The following TBC1D5 variants were observed in gnomAD, a reference collection of about 807,000 sequenced individuals.
TBC1D5 encodes TBC1 domain family member 5.
In TBC1D5, 75 loss-of-function variants were observed where a neutral mutation model predicts 100.3. The observed-to-expected ratio is 0.75, with a 90% CI of 0.62 to 0.91. TBC1D5 has a LOEUF of 0.91. Ranked by LOEUF, TBC1D5 falls within the 40% of genes least tolerant of loss-of-function variation. The probability of loss-of-function intolerance (pLI) is 0.00; values close to 1 mark genes in which losing one functional copy is unlikely to be tolerated. For missense variants in TBC1D5, 910 were observed against 942.4 expected, an observed-to-expected ratio of 0.97 and a Z score of 0.45; for synonymous variants, 323 against 325.6, an observed-to-expected ratio of 0.99 and a Z score of 0.09.
rs550814313 is a variant in TBC1D5, at chr3:17,451,934, A to G, written c.98-23415T>C. Among the ~76,000 whole-genome samples, 5 of 152,272 alleles carry G rather than the reference A, an allele frequency of 3.3e-5. No individual in the cohort carries two copies. The South Asian group carries it at 1.0e-3, about 32-fold the overall frequency. On this transcript the variant is annotated intron_variant, in intron 3 of 21. Transcript: ENST00000253692. ...CGAGACTCCGTCAAAAAAGAAAAAA[A>G]ATTACAAGAAGGTTATAGAACACCA...
chr3:17,177,284 T>G (rs2067877092), intron 19 of TBC1D5, among the ~76,000 whole-genome samples: 1 of 152,192 alleles, frequency 6.6e-6, no homozygotes. Flanking sequence ...TAAGCTAGTG[T>G]GTAGTTTGCT....
intron 2 of TBC1D5, among the ~76,000 whole-genome samples, chr3:17,578,622 A>G (rs2096672416): frequency 1.3e-5 from 2 of 152,166 alleles, no homozygotes; most frequent in African/African-American, 4.8e-5. Context: ...GTCAAACATC[A>G]TACTCTTGAA....
intron 1 of TBC1D5, among the ~76,000 whole-genome samples, chr3:17,705,892 C>T (rs1399825119): frequency 2.6e-5 from 4 of 152,044 alleles, no homozygotes; most frequent in Non-Finnish European, 4.4e-5. Context: ...GAGGCCAAGG[C>T]AGGCGTCTGC....
chr3:17,421,856 T>C (rs910222446), intron 4 of TBC1D5, among the ~76,000 whole-genome samples: 2 of 152,206 alleles, frequency 1.3e-5, no homozygotes, highest in Non-Finnish European at 1.5e-5. Context: ...AAATCATGTA[T>C]TTATTCTTAA....
At chr3:17,210,126 C>T (rs1202867201) in intron 18 of TBC1D5, among the ~76,000 whole-genome samples, 1 of 151,948 alleles carries the variant, frequency 6.6e-6, no homozygotes, top group Non-Finnish European at 1.5e-5. Context: ...TTATTTTATG[C>T]TCAAAATTAA....
At chr3:17,610,283 C>A (rs886825097) in intron 2 of TBC1D5, among the ~76,000 whole-genome samples, 1 of 152,094 alleles carries the variant, frequency 6.6e-6, no homozygotes, top group African/African-American at 2.4e-5. Context: ...CTCCCAGACT[C>A]AAGTGATCCT....
intron 4 of TBC1D5, among the ~76,000 whole-genome samples, chr3:17,409,287 G>A (rs1180165366): frequency 6.6e-6 from 1 of 152,046 alleles, no homozygotes; most frequent in Non-Finnish European, 1.5e-5. Flanking sequence ...TGTTACTATT[G>A]TAACTGTTAT....
intron 1 of TBC1D5, among the ~76,000 whole-genome samples, chr3:17,678,666 TAAAAA>T (rs150614567): frequency 0.57 from 61,861 of 109,338 alleles, 15,826 homozygotes; most frequent in East Asian, 0.89. Flanking sequence ...AAAAGAGGGA[TAAAAA>T]AAAAAAAAAA....
rs189219765 is a variant in TBC1D5, at chr3:17,496,838, C to A, written c.97+11636G>T. On this transcript the variant is annotated intron_variant, in intron 3 of 21. Coordinates refer to ENST00000253692, the Ensembl canonical transcript of TBC1D5. ...AAACTTGGGAGTTCAACAGAGATAACAACACAGGCTATTACATAATTCTGA... is the reference window on the plus strand; with the variant it reads ...AAACTTGGGAGTTCAACAGAGATAAAAACACAGGCTATTACATAATTCTGA... 1.3e-3 allele frequency among the ~76,000 whole-genome samples: 191 copies of A among 152,212 alleles called. No homozygotes were observed. In the Middle Eastern group the frequency reaches 0.014, roughly 11 times the overall value.
intron 16 of TBC1D5, among the ~76,000 whole-genome samples, chr3:17,254,227 A>C (rs2077427255): frequency 6.6e-6 from 1 of 152,220 alleles, no homozygotes; most frequent in Admixed American, 6.5e-5. Flanking sequence ...CCCTCGGATA[A>C]ACACTTAGAA....
intron 18 of TBC1D5, among the ~76,000 whole-genome samples, chr3:17,185,469 A>G (rs2068926079): frequency 6.6e-6 from 1 of 152,240 alleles, no homozygotes; most frequent in Non-Finnish European, 1.5e-5. Context: ...GTTAGATTGC[A>G]TATACAATCT....
chr3:17,186,230 A>C (rs1216048256), intron 18 of TBC1D5, among the ~76,000 whole-genome samples: 1 of 152,154 alleles, frequency 6.6e-6, no homozygotes, highest in African/African-American at 2.4e-5. Context: ...AAAACCTACT[A>C]AGGTATCCTT....
chr3:17,162,663 G>A (rs138569535), intron 21 of TBC1D5, among the ~76,000 whole-genome samples: 10 of 151,710 alleles, frequency 6.6e-5, no homozygotes, highest in Non-Finnish European at 1.3e-4. Context: ...TGATAGCAGG[G>A]GATGTGATCA....
intron 1 of TBC1D5, among the ~76,000 whole-genome samples, chr3:17,627,181 A>C (rs1355667910): frequency 2.6e-5 from 4 of 152,198 alleles, no homozygotes; most frequent in Admixed American, 2.6e-4. Flanking sequence ...AGAGAGAACA[A>C]GACTAGGAAT....
intron 8 of TBC1D5, among the ~76,000 whole-genome samples, chr3:17,394,106 A>G (rs13093375): frequency 0.41 from 62,493 of 151,910 alleles, 13,562 homozygotes; most frequent in Middle Eastern, 0.47. Flanking sequence ...AACCTCTCAA[A>G]ACAAAGAATT....
intron 2 of TBC1D5, among the ~76,000 whole-genome samples, chr3:17,583,293 A>G (rs1034048028): frequency 6.6e-6 from 1 of 152,132 alleles, no homozygotes; most frequent in Non-Finnish European, 1.5e-5. Flanking sequence ...TCAAAAAAAT[A>G]AAAGAAATAA....
intron 19 of TBC1D5, among the ~76,000 whole-genome samples, chr3:17,184,271 T>C (rs1213775515): frequency 1.3e-5 from 2 of 152,130 alleles, no homozygotes; most frequent in Admixed American, 6.5e-5. Flanking sequence ...TTTCTTAGAA[T>C]ATAAGCACAG....
At chr3:17,465,831 C>A (rs2095291529) in intron 3 of TBC1D5, among the ~76,000 whole-genome samples, 1 of 152,156 alleles carries the variant, frequency 6.6e-6, no homozygotes, top group African/African-American at 2.4e-5. Context: ...CAAATATATC[C>A]AAATTCAAAA....
At chr3:17,315,526 T>A (rs2084588091) in intron 13 of TBC1D5, among the ~76,000 whole-genome samples, 1 of 152,222 alleles carries the variant, frequency 6.6e-6, no homozygotes, top group South Asian at 2.1e-4. Flanking sequence ...ACTATGTGGG[T>A]CTAAATATCC....
Sources: allele counts gnomAD v4.1 joint callset (sites outside exome capture counted in the v4.1 genomes callset), GRCh38; gene constraint gnomAD v4.1.1; transcripts MANE v1.5; gene names NCBI Gene and HGNC (gene_info 2026-07-23, HGNC 2026-07-21).